NRP1: variants seen among roughly 807,000 people sequenced by gnomAD.
The protein encoded by NRP1 is neuropilin 1, also known as neuropilin-1.
A neutral mutation model predicts 106.7 loss-of-function variants in NRP1; 35 were observed. The ratio of observed to expected loss-of-function variants is 0.33; its 90% CI spans 0.25 to 0.43. The LOEUF (loss-of-function observed/expected upper bound fraction) is 0.43, where lower values mean the gene tolerates loss of function less well. Among genes scored for constraint, NRP1 ranks in the 20% least tolerant of loss-of-function variants. The pLI, the probability that NRP1 is intolerant of heterozygous loss-of-function variation, is 1.00. For missense variants in NRP1, 1,024 were observed against 1,170.4 expected (o/e 0.87, Z 1.83); for synonymous variants, 437 against 417.9 (o/e 1.05, Z -0.56).
chr10:33,244,929 T>C (rs977419021), intron 6 of NRP1, among the ~76,000 whole-genome samples: 3 of 152,198 alleles, frequency 2.0e-5, no homozygotes, highest in African/African-American at 7.2e-5. Context: ...TATTAGTGCA[T>C]TTTGAGACCC....
chr10:33,190,444 C>A (rs184195848), intron 13 of NRP1, among the ~76,000 whole-genome samples: 84 of 152,290 alleles, frequency 5.5e-4, no homozygotes, highest in African/African-American at 1.2e-3. Flanking sequence ...TTGAAGGAGT[C>A]CAATTTTATC....
intron 4 of NRP1, among the ~76,000 whole-genome samples, chr10:33,261,077 G>T (rs533304128): frequency 5.1e-4 from 77 of 151,276 alleles, no homozygotes; most frequent in Non-Finnish European, 9.7e-4. Context: ...GGCTGAATGA[G>T]GCCAGGTAAA....
At chr10:33,230,001 C>T (rs1029735467) in intron 6 of NRP1, among the ~76,000 whole-genome samples, 2 of 152,122 alleles carry the variant, frequency 1.3e-5, no homozygotes, top group Non-Finnish European at 2.9e-5. Context: ...TGGATGACAA[C>T]CTCACAAAGT....
At chr10:33,206,396 A>G (rs1564380415) in intron 10 of NRP1, 2 of 505,020 alleles carry the variant, frequency 4.0e-6, no homozygotes, top group Non-Finnish European at 7.9e-6. Flanking sequence ...AGATATGGAA[A>G]CAACCACACG....
chr10:33,294,768 C>T (rs1232593398), intron 2 of NRP1, among the ~76,000 whole-genome samples: 1 of 152,124 alleles, frequency 6.6e-6, no homozygotes, highest in African/African-American at 2.4e-5. Context: ...GTAAGGGAAC[C>T]TGGGACAGAA....
At chr10:33,331,537 C>G (rs187294514) in intron 1 of NRP1, among the ~76,000 whole-genome samples, 4 of 152,274 alleles carry the variant, frequency 2.6e-5, no homozygotes, top group Admixed American at 2.6e-4. Context: ...GAGATCGGAT[C>G]AAAGCAACGG....
chr10:33,239,099 TG>T (rs1203011119), intron 6 of NRP1, among the ~76,000 whole-genome samples: 1 of 152,084 alleles, frequency 6.6e-6, no homozygotes, highest in Non-Finnish European at 1.5e-5. Flanking sequence ...AAGATCAGCC[TG>T]GGCAACCTGG....
In NRP1 at chr10:33,179,886, ATGAGTCCGATGG is replaced by A; in HGVS notation, c.*178_*189del. The A allele has an allele frequency of 3.2e-6, 2 of 634,072 alleles. No homozygotes were observed. The highest frequency in any genetic ancestry group is 5.6e-6 in the Non-Finnish European group (2 of 358,322). 39.3% of individuals were successfully genotyped at this position (634,072 alleles called of 1,614,324 possible). On this transcript the variant is annotated 3_prime_UTR_variant, in exon 17 of 17. Transcript: ENST00000374867. ...CCAACAGGAAAAAAGCTGACTGCAC[ATGAGTCCGATGG>A]TGAACACAGCTCCTTGTCCATGTCT...
rs964845506 is a variant in NRP1, at chr10:33,301,628, C to G, written c.248+29080G>C. On this transcript the variant is annotated intron_variant, in intron 2 of 16. Coordinates refer to ENST00000374867, the MANE Select transcript of NRP1 (RefSeq NM_003873.7). ...GTGGACATGGGGCCAGTGCGCGTGA[C>G]TCTCAGCCACTCATATGCCCTGTGG... Among the ~76,000 whole-genome samples, 4 of 152,232 alleles carry G rather than the reference C, an allele frequency of 2.6e-5. No individual in the cohort carries two copies. In the East Asian group the frequency reaches 7.7e-4, roughly 29 times the overall value.
chr10:33,183,225 G>T (rs1051805004), intron 15 of NRP1, among the ~76,000 whole-genome samples: 5 of 152,024 alleles, frequency 3.3e-5, no homozygotes, highest in Admixed American at 6.6e-5. Flanking sequence ...AGGAGAGCTT[G>T]TGCCCAGGAG....
Position 33,332,878 on chromosome 10 carries a change from A to AGTGTGTGTGTGT in NRP1, c.73+1420_73+1431dup, listed in dbSNP as rs34920873. On this transcript the variant is annotated intron_variant, in intron 1 of 16. Transcript: ENST00000374867. The stretch of plus-strand genomic sequence containing the variant: ...CAGATTTCTGCTAAGAAAACTAAGA[A>AGTGTGTGTGTGT]GTGTGTGTGTGTGTGTGTGTACTGC... Among the ~76,000 whole-genome samples, 1,378 of 150,024 alleles carry AGTGTGTGTGTGT rather than the reference A, an allele frequency of 9.2e-3. 26 individuals are homozygous for AGTGTGTGTGTGT. Among genetic ancestry groups the AGTGTGTGTGTGT allele is most frequent in the African/African-American group, 0.03 (1,232 of 41,012 alleles).
chr10:33,232,917 G>C (rs549490367), intron 6 of NRP1, among the ~76,000 whole-genome samples: 4 of 152,018 alleles, frequency 2.6e-5, no homozygotes, highest in Admixed American at 6.5e-5. Flanking sequence ...CAAAATGCTG[G>C]GATTACAGGC....
chr10:33,269,842 G>C (rs1164082033), intron 3 of NRP1, among the ~76,000 whole-genome samples: 1 of 152,178 alleles, frequency 6.6e-6, no homozygotes, highest in Non-Finnish European at 1.5e-5. Context: ...AATGCCTGAG[G>C]ATCTGTCACT....
chr10:33,218,558 G>A (rs1262841537), intron 8 of NRP1, among the ~76,000 whole-genome samples: 1 of 151,994 alleles, frequency 6.6e-6, no homozygotes, highest in Non-Finnish European at 1.5e-5. Flanking sequence ...TGTTAGCCAG[G>A]ATGGTCTCAA....
intron 14 of NRP1, among the ~76,000 whole-genome samples, 170 bp downstream of exon 14, chr10:33,186,047 G>A (rs140589026): frequency 6.6e-5 from 10 of 152,312 alleles, no homozygotes; most frequent in Middle Eastern, 3.4e-3. Flanking sequence ...CAATCTAGGA[G>A]ACTGTGAAAT....
At chr10:33,259,090 C>T (rs1011278037) in intron 4 of NRP1, among the ~76,000 whole-genome samples, 5 of 152,118 alleles carry the variant, frequency 3.3e-5, no homozygotes, top group African/African-American at 7.2e-5. Context: ...GAAGCTCAGG[C>T]GGCTGATCCT....
chr10:33,245,489 C>G (rs1841349958), intron 6 of NRP1, among the ~76,000 whole-genome samples: 1 of 152,174 alleles, frequency 6.6e-6, no homozygotes, highest in Non-Finnish European at 1.5e-5. Context: ...TAAGTTAAAG[C>G]TTCTGCAGTG....
At chr10:33,295,497 C>A (rs1045434553) in intron 2 of NRP1, among the ~76,000 whole-genome samples, 1 of 152,168 alleles carries the variant, frequency 6.6e-6, no homozygotes, top group Non-Finnish European at 1.5e-5. Context: ...TGCTTGAGTA[C>A]AGGAGTTCCA....
In NRP1 at chr10:33,209,658, G is replaced by A. The variant is rs149498373; in HGVS notation, c.1615-1942C>T. On this transcript the variant is annotated intron_variant, in intron 9 of 16. Coordinates refer to ENST00000374867, the MANE Select transcript of NRP1 (RefSeq NM_003873.7). ...TGCCTGGCTGATTTTTGCATTTTCA[G>A]TAGAAACGGGGTTTCACCATGTTGG... Among the ~76,000 whole-genome samples the A allele has an allele frequency of 3.8e-3, 581 of 152,178 alleles. 1 individual carries two copies. Among genetic ancestry groups the A allele is most frequent in the African/African-American group, 0.012 (504 of 41,524 alleles).
Sources: allele counts gnomAD v4.1 joint callset (sites outside exome capture counted in the v4.1 genomes callset), GRCh38; gene constraint gnomAD v4.1.1; transcripts MANE v1.5; gene names NCBI Gene and HGNC (gene_info 2026-07-23, HGNC 2026-07-21).